The following DISP3 variants were observed in gnomAD, a reference collection of about 807,000 sequenced individuals.
The protein encoded by DISP3 is dispatched RND transporter family member 3, also known as protein dispatched homolog 3.
A neutral mutation model predicts 135.3 loss-of-function variants in DISP3; 101 were observed. That is an observed-to-expected ratio of 0.75 (90% confidence interval 0.64 to 0.88). The LOEUF (loss-of-function observed/expected upper bound fraction) is 0.88, where lower values mean the gene tolerates loss of function less well. DISP3 is among the 40% of genes least tolerant of loss of function. The pLI is 0.00. For synonymous variants in DISP3, 856 were observed against 817.0 expected (o/e 1.05, Z -0.81); for missense variants, 1,713 against 1,878.6 (o/e 0.91, Z 1.63).
intron 18 of DISP3, 100 bp downstream of exon 18, chr1:11,534,640 G>A (rs1642659863): frequency 1.0e-5 from 15 of 1,444,216 alleles, no homozygotes; most frequent in Non-Finnish European, 1.3e-5. Context: ...CTCCATCCTG[G>A]CCAAGAGCCC....
chr1:11,500,683 T>A (rs531712516), intron 1 of DISP3, among the ~76,000 whole-genome samples: 4 of 152,308 alleles, frequency 2.6e-5, no homozygotes, highest in Admixed American at 1.3e-4. Flanking sequence ...ATTTTTTTTT[T>A]AAATCCCTCA....
chr1:11,519,856 G>T lies in DISP3; in HGVS notation c.2176G>T (p.Val726Phe), dbSNP rs200522743. ...LLHHWVLWSA[V>F]KSRWVIVGLF... ...GCACCACTGGGTCCTGTGGTCAGCCGTCAAGAGCCGCTGGGTGATTGTGGG... is the reference window on the plus strand; with the variant it reads ...GCACCACTGGGTCCTGTGGTCAGCCTTCAAGAGCCGCTGGGTGATTGTGGG... Residue 726 changes from valine (V) to phenylalanine (F), a missense_variant, in exon 9 of 21, where the codon GTC becomes TTC. Physicochemically the swap from Val to Phe is conservative, Grantham distance 50. Transcript: ENST00000294484. This position sits in a 1 kb window ranked among gnomAD's most constrained non-coding sequence, Gnocchi z 4.3. 1 of 1,610,604 alleles carries T rather than the reference G, an allele frequency of 6.2e-7. No homozygotes were observed. Among genetic ancestry groups the T allele is most frequent in the Non-Finnish European group, 8.5e-7 (1 of 1,179,318 alleles).
At chr1:11,525,100 G>C (rs996156984) in intron 11 of DISP3, 76 bp from the exon 12 acceptor site, 1 of 1,559,820 alleles carries the variant, frequency 6.4e-7, no homozygotes, top group African/African-American at 1.4e-5. Context: ...ACAGAGCTGA[G>C]GGTGGGCTGC....
Position 11,531,508 on chromosome 1 carries a change from A to C in DISP3, c.3230-57A>C. The C allele has an allele frequency of 6.2e-7, 1 of 1,610,682 alleles. No homozygotes were observed. On this transcript the variant is annotated intron_variant, in intron 16 of 20. Coordinates refer to ENST00000294484, the MANE Select transcript of DISP3 (RefSeq NM_020780.2). The surrounding 1 kb of genome is among the most constrained non-coding windows in gnomAD (Gnocchi z 5.2). ...GAGTGCGTGGGCACAGGTGTGATGC[A>C]GGGGGACAGGCTCTTCCAGGGCCAC...
rs996059381 is a variant in DISP3 at position 11,536,597 on chromosome 1, C to T, written c.4090C>T (p.Leu1364=). ...TSFLKALGAV[L]LAGALGLGAC... Reference sequence around the variant, plus strand: ...CTTCCTCAAGGCCCTGGGTGCCGTGCTGCTGGCAGGGGCCCTGGGGCTGGG... The same window carrying T: ...CTTCCTCAAGGCCCTGGGTGCCGTGTTGCTGGCAGGGGCCCTGGGGCTGGG... The change falls in exon 21 of 21, where the codon CTG becomes TTG. Residue 1364 remains leucine, a synonymous_variant. Transcript: ENST00000294484. This position sits in a 1 kb window ranked among gnomAD's most constrained non-coding sequence, Gnocchi z 4.3. The T allele has an allele frequency of 6.2e-7, 1 of 1,611,596 alleles. No homozygotes were observed. The highest frequency in any genetic ancestry group is 8.5e-7 in the Non-Finnish European group (1 of 1,179,710).
At position 11,516,047 on chromosome 1, in the gene DISP3, C is replaced by G; in HGVS notation, c.1635C>G (p.Thr545=). 1 of 1,614,124 alleles carries G rather than the reference C, an allele frequency of 6.2e-7. No homozygotes were observed. Among genetic ancestry groups the G allele is most frequent in the South Asian group, 1.1e-5 (1 of 91,084 alleles). The change falls in exon 6 of 21, where the codon ACC becomes ACG. Residue 545 remains threonine (T), a synonymous_variant. Transcript: ENST00000294484. The surrounding 1 kb of genome is among the most constrained non-coding windows in gnomAD (Gnocchi z 5.1). ...TCATCAACACCTACCGCCAGGCCAC[C>G]CACCTGGAAGACCCACAGCTGCGCA... ...FVFINTYRQA[T]HLEDPQLRMI...
chr1:11,527,727 C>T (rs1159443889), intron 13 of DISP3, among the ~76,000 whole-genome samples: 1 of 152,128 alleles, frequency 6.6e-6, no homozygotes. Flanking sequence ...TCTGGCATAC[C>T]AGGCCCCTTT....
intron 13 of DISP3, among the ~76,000 whole-genome samples, chr1:11,527,275 A>G (rs1406297263): frequency 6.7e-6 from 1 of 148,954 alleles, no homozygotes; most frequent in Non-Finnish European, 1.5e-5. Flanking sequence ...ACTGCTGGCC[A>G]GGTGCGGTGG....
intron 3 of DISP3, among the ~76,000 whole-genome samples, chr1:11,512,972 C>G (rs186404125): frequency 3.2e-4 from 49 of 152,254 alleles, no homozygotes; most frequent in African/African-American, 1.2e-3. Context: ...TATTCACTAT[C>G]ATGAATAAGT....
chr1:11,529,992 C>A lies in DISP3; in HGVS notation c.3102+33C>A. On this transcript the variant is annotated intron_variant, in intron 15 of 20. Transcript: ENST00000294484. The surrounding 1 kb of genome is among the most constrained non-coding windows in gnomAD (Gnocchi z 4.7). ...GCATGCGTCGGGCAGATGCCGAGGG[C>A]CCCAGCTGCAACAGTCTTGCAAATA... 1 of 1,599,766 alleles carries A rather than the reference C, an allele frequency of 6.3e-7. No individual in the cohort carries two copies. The highest frequency in any genetic ancestry group is 8.5e-7 in the Non-Finnish European group (1 of 1,176,466).
chr1:11,529,921 C>T lies in DISP3; in HGVS notation c.3064C>T (p.Arg1022Cys), dbSNP rs745745044. The T allele has an allele frequency of 9.9e-6, 16 of 1,613,844 alleles. No homozygotes were observed. Among genetic ancestry groups the T allele is most frequent in the Middle Eastern group, 1.6e-4 (1 of 6,062 alleles). The change falls in exon 15 of 21, where the codon CGC (arginine) becomes TGC (cysteine). Residue 1022 changes from arginine (R) to cysteine (C), a missense_variant. Arg to Cys is a radical substitution (Grantham distance 180). Transcript: ENST00000294484. The surrounding 1 kb of genome is among the most constrained non-coding windows in gnomAD (Gnocchi z 4.7). ...GGTCTTCGGCATTATTGGCGTCAAC[C>T]GCACTCGGCAGGTGGACAACCACGT... is the stretch of plus-strand genomic sequence containing the variant. ...FVVFGIIGVN[R>C]TRQVDNHVIG...
chr1:11,530,726 G>A (rs1232948690), intron 15 of DISP3, among the ~76,000 whole-genome samples, 181 bp from the exon 16 acceptor site: 1 of 152,124 alleles, frequency 6.6e-6, no homozygotes, highest in Admixed American at 6.5e-5. Flanking sequence ...AGATGTTGCT[G>A]GCGGGGGCAG....
At position 11,531,829 on chromosome 1, in the gene DISP3, G is replaced by T; in HGVS notation, c.3375+119G>T. 1.4e-6 allele frequency: 2 copies of T among 1,393,496 alleles called. No individual in the cohort carries two copies. The highest frequency in any genetic ancestry group is 2.9e-5 in the South Asian group (2 of 67,970). 86.3% of individuals were successfully genotyped at this position (1,393,496 alleles called of 1,614,324 possible). The stretch of plus-strand genomic sequence containing the variant: ...ATGCTGAGGCCCAGAGAGGTGGAGT[G>T]ACTTGCCTGAGGTCACATAGTTAGT... On this transcript the variant is annotated intron_variant, in intron 17 of 20. Coordinates refer to ENST00000294484, the MANE Select transcript of DISP3 (RefSeq NM_020780.2). This position sits in a 1 kb window ranked among gnomAD's most constrained non-coding sequence, Gnocchi z 5.2.
intron 3 of DISP3, among the ~76,000 whole-genome samples, chr1:11,510,276 T>C (rs552129307): frequency 8.5e-5 from 13 of 152,320 alleles, no homozygotes; most frequent in African/African-American, 3.1e-4. Context: ...TTTTGAACTA[T>C]TGAATGTTTT....
intron 19 of DISP3, 27 bp downstream of exon 19, chr1:11,535,151 C>T: frequency 6.4e-7 from 1 of 1,564,446 alleles, no homozygotes; most frequent in Non-Finnish European, 8.7e-7. Flanking sequence ...CTGGCAGGCA[C>T]CCTGCTGGTA....
chr1:11,534,290 TTGG>T, intron 17 of DISP3, 88 bp from the exon 18 acceptor site: 4 of 1,485,086 alleles, frequency 2.7e-6, no homozygotes, highest in Non-Finnish European at 3.8e-6. Flanking sequence ...CACCACTCCA[TTGG>T]TGGCCGCAGA....
At position 11,529,485 on chromosome 1, in the gene DISP3, C is replaced by T. The variant is rs548283144; in HGVS notation, c.2799-71C>T. The T allele has an allele frequency of 1.3e-5, 19 of 1,494,128 alleles. No homozygotes were observed. In the African/African-American group the frequency reaches 2.4e-4, roughly 19 times the overall value. 92.6% of individuals were successfully genotyped at this position (1,494,128 alleles called of 1,614,324 possible). On this transcript the variant is annotated intron_variant, in intron 13 of 20. Transcript: ENST00000294484. This position sits in a 1 kb window ranked among gnomAD's most constrained non-coding sequence, Gnocchi z 4.7. ...ACCCCAGCCCCAGTCCCAACCCTGG[C>T]CTGCTGGCCTCACCTCCCCTGACTC...
chr1:11,483,595 A>G lies in DISP3; in HGVS notation c.-4+4223A>G, dbSNP rs1208523707. On this transcript the variant is annotated intron_variant, in intron 1 of 20. Coordinates refer to ENST00000294484, the MANE Select transcript of DISP3 (RefSeq NM_020780.2). This position sits in a 1 kb window ranked among gnomAD's most constrained non-coding sequence, Gnocchi z 5.4. ...GTATTGTTTTGGTTACTGTCATTCA[A>G]TAAATATTTTCTTGTCGAGAAACCT... 6.6e-6 allele frequency among the ~76,000 whole-genome samples: 1 copy of G among 152,240 alleles called. No homozygotes were observed. Among genetic ancestry groups the G allele is most frequent in the African/African-American group, 2.4e-5 (1 of 41,456 alleles).
chr1:11,496,126 T>C (rs1282897448), intron 1 of DISP3, among the ~76,000 whole-genome samples: 1 of 152,136 alleles, frequency 6.6e-6, no homozygotes, highest in East Asian at 1.9e-4. Flanking sequence ...TTTTTTCTGT[T>C]ATAAAGCTGG....
Sources: allele counts gnomAD v4.1 joint callset (sites outside exome capture counted in the v4.1 genomes callset), GRCh38; gene constraint gnomAD v4.1.1; non-coding constraint Gnocchi (gnomAD v3.1); transcripts MANE v1.5; gene names NCBI Gene and HGNC (gene_info 2026-07-23, HGNC 2026-07-21).